Variants in GABRG1 observed in about 807,000 individuals in gnomAD.
GABRG1 encodes gamma-aminobutyric acid receptor subunit gamma-1.
A neutral mutation model predicts 49.8 loss-of-function variants in GABRG1; 49 were observed. The observed-to-expected ratio is 0.98, with a 90% CI of 0.78 to 1.25. The LOEUF (loss-of-function observed/expected upper bound fraction) is 1.25. Ranked by LOEUF, GABRG1 falls within the 50% of genes most tolerant of loss-of-function variation. GABRG1 has a pLI of 0.00. For synonymous variants in GABRG1, 232 were observed against 185.1 expected, an observed-to-expected ratio of 1.25 and a Z score of -2.06; for missense variants, 552 against 552.3, an observed-to-expected ratio of 1.00 and a Z score of 0.01.
intron 1 of GABRG1, among the ~76,000 whole-genome samples, chr4:46,114,678 C>G (rs978725194): frequency 3.3e-5 from 5 of 150,700 alleles, no homozygotes; most frequent in Non-Finnish European, 7.4e-5. Flanking sequence ...AAATTTAAAT[C>G]CTATTGTGCT....
At position 46,045,019 on chromosome 4, in the gene GABRG1, G is replaced by A. The variant is rs183370035; in HGVS notation, c.1132-3765C>T. Among the ~76,000 whole-genome samples the A allele has an allele frequency of 5.7e-4, 87 of 152,142 alleles. 1 individual carries two copies. In the East Asian group the frequency reaches 0.011, roughly 19 times the overall value. ...AAACACACGTATGAAAGTAAAATCC[G>A]ATGGTTGCAAACTTGACAGTTACAT... On this transcript the variant is annotated intron_variant, in intron 8 of 8. Transcript: ENST00000295452.
chr4:46,078,288 A>G (rs1719434352), intron 3 of GABRG1, among the ~76,000 whole-genome samples: 1 of 152,052 alleles, frequency 6.6e-6, no homozygotes, highest in Non-Finnish European at 1.5e-5. Context: ...TAAATAGCAA[A>G]CAAAATCTTA....
At chr4:46,085,717 A>G (rs1719731052) in intron 2 of GABRG1, among the ~76,000 whole-genome samples, 1 of 151,576 alleles carries the variant, frequency 6.6e-6, no homozygotes, top group Non-Finnish European at 1.5e-5. Context: ...CTTCTTAATA[A>G]TGACTCATTG....
chr4:46,119,881 T>C (rs1364864832), intron 1 of GABRG1, among the ~76,000 whole-genome samples: 1 of 151,690 alleles, frequency 6.6e-6, no homozygotes, highest in African/African-American at 2.4e-5. Flanking sequence ...ATCCATATAT[T>C]TCACTCTACT....
At chr4:46,094,247 A>G (rs2109429618) in intron 2 of GABRG1, among the ~76,000 whole-genome samples, 1 of 152,154 alleles carries the variant, frequency 6.6e-6, no homozygotes, top group African/African-American at 2.4e-5. Flanking sequence ...TAAAGACAAA[A>G]AATGCCCACA....
chr4:46,081,731 A>T (rs2109421294), intron 3 of GABRG1, among the ~76,000 whole-genome samples: 1 of 152,002 alleles, frequency 6.6e-6, no homozygotes, highest in South Asian at 2.1e-4. Flanking sequence ...TAATCCCGAG[A>T]ACTTCAGAAT....
At chr4:46,062,199 C>A (rs1033401152) in intron 5 of GABRG1, among the ~76,000 whole-genome samples, 3 of 151,946 alleles carry the variant, frequency 2.0e-5, no homozygotes, top group Non-Finnish European at 4.4e-5. Flanking sequence ...CTACAAAGGA[C>A]ATGAACTCAA....
chr4:46,106,584 A>C (rs1055337417), intron 1 of GABRG1, among the ~76,000 whole-genome samples: 9 of 151,508 alleles, frequency 5.9e-5, no homozygotes, highest in Non-Finnish European at 1.2e-4. Flanking sequence ...ATAAACGCTC[A>C]TAGCTTGAAC....
intron 2 of GABRG1, among the ~76,000 whole-genome samples, chr4:46,095,314 C>T (rs1720130680): frequency 1.3e-5 from 2 of 151,566 alleles, no homozygotes; most frequent in Admixed American, 6.6e-5. Context: ...AAAACCACAA[C>T]AATGTAACAG....
At chr4:46,115,967 T>A (rs1443513804) in intron 1 of GABRG1, among the ~76,000 whole-genome samples, 1 of 150,870 alleles carries the variant, frequency 6.6e-6, no homozygotes, top group East Asian at 1.9e-4. Context: ...TAAAACAGAT[T>A]TTTTTCTTAA....
At chr4:46,094,391 T>C (rs1477533806) in intron 2 of GABRG1, among the ~76,000 whole-genome samples, 1 of 151,818 alleles carries the variant, frequency 6.6e-6, no homozygotes, top group Non-Finnish European at 1.5e-5. Context: ...CAGCCTGAAA[T>C]AGGCTCTGTA....
chr4:46,057,153 A>G (rs1171041490), intron 7 of GABRG1, among the ~76,000 whole-genome samples: 1 of 152,124 alleles, frequency 6.6e-6, no homozygotes, highest in Non-Finnish European at 1.5e-5. Flanking sequence ...ATTTTAAACA[A>G]TGAAAGGAAA....
At chr4:46,060,355 C>A (rs1234136981) in intron 5 of GABRG1, among the ~76,000 whole-genome samples, 1 of 151,886 alleles carries the variant, frequency 6.6e-6, no homozygotes, top group South Asian at 2.1e-4. Context: ...AGATTATGTT[C>A]TATTACACTA....
Position 46,118,066 on chromosome 4 carries a change from ATG to A in GABRG1, c.104+5742_104+5743del, listed in dbSNP as rs751763086. 6.3e-3 allele frequency among the ~76,000 whole-genome samples: 837 copies of A among 133,302 alleles called. 43 individuals carry two copies. The highest frequency in any genetic ancestry group is 0.02 in the African/African-American group (611 of 30,150). 87.5% of individuals were successfully genotyped at this position (133,302 alleles called of 152,430 possible). On this transcript the variant is annotated intron_variant, in intron 1 of 8. Coordinates refer to ENST00000295452, the MANE Select transcript of GABRG1 (RefSeq NM_173536.4). ...TGTATACATGTGTGTATGTATACAT[ATG>A]TGTGTGTATATATATACATATGTAT...
At chr4:46,044,426 A>C (rs919968040) in intron 8 of GABRG1, among the ~76,000 whole-genome samples, 6 of 151,836 alleles carry the variant, frequency 4.0e-5, no homozygotes, top group African/African-American at 1.5e-4. Flanking sequence ...GGCTGCAGTG[A>C]GCTGTGATTG....
intron 5 of GABRG1, among the ~76,000 whole-genome samples, chr4:46,059,944 C>G (rs74763050): frequency 0.018 from 2,663 of 152,122 alleles, 90 homozygotes; most frequent in African/African-American, 0.06. Context: ...TTTTTACTTT[C>G]TCTTATTTTT....
chr4:46,079,047 C>A (rs183272189), intron 3 of GABRG1, among the ~76,000 whole-genome samples: 2 of 148,740 alleles, frequency 1.3e-5, no homozygotes, highest in East Asian at 3.9e-4. Context: ...TGTAGCTCCA[C>A]ATACATTTTT....
chr4:46,061,187 G>A (rs757201228), intron 5 of GABRG1, among the ~76,000 whole-genome samples: 1 of 152,092 alleles, frequency 6.6e-6, no homozygotes, highest in Non-Finnish European at 1.5e-5. Flanking sequence ...TTTTCCTTGA[G>A]TTCCTTGAAT....
At chr4:46,045,566 T>C (rs529190263) in intron 8 of GABRG1, among the ~76,000 whole-genome samples, 165 of 151,410 alleles carry the variant, frequency 1.1e-3, no homozygotes, top group African/African-American at 3.8e-3. Flanking sequence ...GATTTTTTTT[T>C]CACTGTAAAA....
Sources: allele counts gnomAD v4.1 joint callset (sites outside exome capture counted in the v4.1 genomes callset), GRCh38; gene constraint gnomAD v4.1.1; transcripts MANE v1.5; gene names NCBI Gene and HGNC (gene_info 2026-07-23, HGNC 2026-07-21).